Variants in SHANK2 observed in about 807,000 individuals in gnomAD.
The protein encoded by SHANK2 is SH3 and multiple ankyrin repeat domains protein 2.
A neutral mutation model predicts 133.7 loss-of-function variants in SHANK2; 43 were observed. The observed-to-expected ratio is 0.32, with a 90% CI of 0.25 to 0.41. SHANK2 has a LOEUF of 0.41. Among genes scored for constraint, SHANK2 ranks in the 10% least tolerant of loss-of-function variants. The probability of loss-of-function intolerance (pLI) is 1.00; values close to 1 mark genes in which losing one functional copy is unlikely to be tolerated. For missense variants in SHANK2, 1,994 were observed against 2,235.8 expected (o/e 0.89, Z 2.18); for synonymous variants, 1,017 against 952.8 (o/e 1.07, Z -1.24).
At chr11:71,244,670 A>G (rs1381361120) in intron 1 of SHANK2, among the ~76,000 whole-genome samples, 2 of 152,148 alleles carry the variant, frequency 1.3e-5, no homozygotes, top group Non-Finnish European at 2.9e-5. Context: ...AAAGACCACA[A>G]AAATGTTAAA....
intron 15 of SHANK2, among the ~76,000 whole-genome samples, chr11:70,666,137 T>C (rs1345215734): frequency 1.3e-5 from 2 of 151,984 alleles, no homozygotes; most frequent in Non-Finnish European, 2.9e-5. Flanking sequence ...ACCAGAACAA[T>C]CCCTGGATTC....
At chr11:70,711,854 G>A (rs1555026212) in intron 14 of SHANK2, among the ~76,000 whole-genome samples, 2 of 152,250 alleles carry the variant, frequency 1.3e-5, no homozygotes, top group African/African-American at 4.8e-5. Context: ...TGACCTTGCA[G>A]GGGAGGGGAA....
At chr11:70,490,097 A>G (rs1289007161) in intron 23 of SHANK2, 179 bp downstream of exon 23, 10 of 612,952 alleles carry the variant, frequency 1.6e-5, no homozygotes, top group African/African-American at 7.4e-5. Flanking sequence ...AGATGTTCCA[A>G]TGGCTCCCTA....
chr11:70,473,826 A>G lies in SHANK2; in HGVS notation c.4980-387T>C. ...GAGGGTGGCCACTGAGGCATTTGGA[A>G]GGGGTCCCTTGAAGAGGGCACGGAG... On this transcript the variant is annotated intron_variant, in intron 25 of 25. Coordinates refer to ENST00000601538, the MANE Select transcript of SHANK2 (RefSeq NM_012309.5). This position sits in a 1 kb window ranked among gnomAD's most constrained non-coding sequence, Gnocchi z 5.9. 2 of 351,484 alleles carry G rather than the reference A, an allele frequency of 5.7e-6. No homozygotes were observed. The highest frequency in any genetic ancestry group is 4.7e-5 in the South Asian group (2 of 42,520). 21.8% of individuals were successfully genotyped at this position (351,484 alleles called of 1,614,324 possible). A position where few individuals can be genotyped will look rare whatever the true frequency, so the allele number is the denominator to read the frequency against.
chr11:70,933,228 C>A (rs1025795421), intron 10 of SHANK2: 3 of 456,260 alleles, frequency 6.6e-6, no homozygotes, highest in African/African-American at 6.0e-5. Context: ...CATGGAGGAA[C>A]CTTGAGGACA....
rs367961258 is a variant in SHANK2 at position 70,599,903 on chromosome 11, A to G, written c.2061+59925T>C. The stretch of plus-strand genomic sequence containing the variant: ...AGAAAGAAAGAAAAAGAAAGAAAGA[A>G]AGAGAAAGAAAGAAAGAAAGAAAGA... On this transcript the variant is annotated intron_variant, in intron 17 of 25. Transcript: ENST00000601538. Among the ~76,000 whole-genome samples, 466 of 79,490 alleles carry G rather than the reference A, an allele frequency of 5.9e-3. 3 individuals are homozygous for G. The highest frequency in any genetic ancestry group is 0.027 in the East Asian group (69 of 2,570). 52.1% of individuals were successfully genotyped at this position (79,490 alleles called of 152,430 possible).
intron 14 of SHANK2, among the ~76,000 whole-genome samples, chr11:70,790,587 G>A (rs3019851): frequency 0.056 from 8,522 of 152,314 alleles, 800 homozygotes; most frequent in African/African-American, 0.19. Flanking sequence ...ACCAGCTCCT[G>A]TCTGGGCGTT....
At chr11:71,185,624 G>A (rs989098413) in intron 2 of SHANK2, among the ~76,000 whole-genome samples, 1 of 152,150 alleles carries the variant, frequency 6.6e-6, no homozygotes, top group Non-Finnish European at 1.5e-5. Flanking sequence ...TCTCATTCCA[G>A]TTCAGCCACC....
intron 11 of SHANK2, among the ~76,000 whole-genome samples, chr11:70,896,158 T>C (rs1175501799): frequency 1.3e-5 from 2 of 152,194 alleles, no homozygotes; most frequent in African/African-American, 4.8e-5. Context: ...ACCCTTAGCA[T>C]AAATTAAACA....
rs17161065 is a variant in SHANK2, at chr11:70,688,406, T to C, written c.1853+10282A>G. On this transcript the variant is annotated intron_variant, in intron 15 of 25. Transcript: ENST00000601538. ...GGCCGTGGCCAGGTCGGAGCACACC[T>C]AATTTCGTGCACCTAATTTCGCATC... 4.1e-3 allele frequency among the ~76,000 whole-genome samples: 623 copies of C among 152,246 alleles called. 28 individuals carry two copies. The East Asian group carries it at 0.1, about 25-fold the overall frequency.
At chr11:70,883,536 G>T (rs531525094) in intron 11 of SHANK2, among the ~76,000 whole-genome samples, 1 of 152,162 alleles carries the variant, frequency 6.6e-6, no homozygotes, top group Non-Finnish European at 1.5e-5. Context: ...AACCTGACCC[G>T]AGCAGGCAGG....
intron 17 of SHANK2, among the ~76,000 whole-genome samples, chr11:70,649,043 G>A (rs1456415470): frequency 6.6e-6 from 1 of 152,178 alleles, no homozygotes; most frequent in African/African-American, 2.4e-5. Flanking sequence ...CAGGAGGGGT[G>A]TGGCACATTC....
intron 17 of SHANK2, among the ~76,000 whole-genome samples, chr11:70,612,135 C>T (rs2060667269): frequency 6.6e-6 from 1 of 152,116 alleles, no homozygotes; most frequent in South Asian, 2.1e-4. Context: ...GCCTGGGAAC[C>T]AGGGGTCTGT....
intron 14 of SHANK2, among the ~76,000 whole-genome samples, chr11:70,779,531 C>G (rs575214913): frequency 6.6e-6 from 1 of 152,040 alleles, no homozygotes; most frequent in Admixed American, 6.6e-5. Context: ...GATGTTTTGC[C>G]GAGGGTTTAT....
At chr11:70,584,533 T>A (rs2060223232) in intron 17 of SHANK2, among the ~76,000 whole-genome samples, 1 of 151,980 alleles carries the variant, frequency 6.6e-6, no homozygotes, top group African/African-American at 2.4e-5. Flanking sequence ...ACCCCAGGGC[T>A]GGGTACCGGA....
In SHANK2 at chr11:70,632,446, G is replaced by A. The variant is rs558203612; in HGVS notation, c.2061+27382C>T. ...TGCTCCTGGTTCCATCACGGGCCCCGAACAGCTGCAGGTGTGTGAAGGCAG... is the reference window on the plus strand; with the variant it reads ...TGCTCCTGGTTCCATCACGGGCCCCAAACAGCTGCAGGTGTGTGAAGGCAG... On this transcript the variant is annotated intron_variant, in intron 17 of 25. Transcript: ENST00000601538. Among the ~76,000 whole-genome samples the A allele has an allele frequency of 5.3e-5, 8 of 152,180 alleles. No individual in the cohort carries two copies. The South Asian group carries it at 1.5e-3, about 28-fold the overall frequency.
At chr11:70,599,411 T>C (rs11561011) in intron 17 of SHANK2, among the ~76,000 whole-genome samples, 1 of 138,506 alleles carries the variant, frequency 7.2e-6, no homozygotes, top group Non-Finnish European at 1.6e-5. Context: ...ATCGAGACCA[T>C]CCTGGCTAAC....
At chr11:70,589,832 T>C (rs1320379477) in intron 17 of SHANK2, among the ~76,000 whole-genome samples, 1 of 152,038 alleles carries the variant, frequency 6.6e-6, no homozygotes, top group Non-Finnish European at 1.5e-5. Context: ...ACTGCAGATG[T>C]GGTGGAAACA....
chr11:70,873,741 AT>A (rs34001080), intron 11 of SHANK2, among the ~76,000 whole-genome samples: 10,204 of 139,530 alleles, frequency 0.073, 449 homozygotes, highest in African/African-American at 0.14. Flanking sequence ...TCCATTTACC[AT>A]TTTTTTTTTT....
Sources: gnomAD v4.1 joint callset for allele counts (sites outside exome capture counted in the v4.1 genomes callset) on GRCh38, gnomAD v4.1.1 for gene constraint, Gnocchi (gnomAD v3.1) non-coding constraint, MANE v1.5 for transcripts, NCBI Gene and HGNC (gene_info 2026-07-23, HGNC 2026-07-21) for gene names.